The following GPHN variants were observed in gnomAD, a reference collection of about 807,000 sequenced individuals.
GPHN encodes the protein gephyrin.
In GPHN, 17 loss-of-function variants were observed where a neutral mutation model predicts 95.5. The ratio of observed to expected loss-of-function variants is 0.18; its 90% CI spans 0.12 to 0.27. The LOEUF is 0.27. Among genes scored for constraint, GPHN ranks in the 10% least tolerant of loss-of-function variants. The pLI is 1.00. For missense variants in GPHN, 660 were observed against 978.1 expected (o/e 0.67, Z 4.34); for synonymous variants, 320 against 322.5 (o/e 0.99, Z 0.08).
chr14:66,841,034 GGTATAGA>G (rs2062067075), intron 4 of GPHN, among the ~76,000 whole-genome samples: 2 of 125,888 alleles, frequency 1.6e-5, no homozygotes, highest in Non-Finnish European at 3.3e-5. Flanking sequence ...TATAGATATA[GGTATAGA>G]TATAGATATA....
intron 5 of GPHN, among the ~76,000 whole-genome samples, chr14:66,900,252 T>G (rs2065060825): frequency 6.6e-6 from 1 of 151,954 alleles, no homozygotes. Flanking sequence ...TTATCTGCTC[T>G]TTATTATTTC....
At chr14:67,074,293 A>G (rs2076416701) in intron 11 of GPHN, among the ~76,000 whole-genome samples, 1 of 151,492 alleles carries the variant, frequency 6.6e-6, no homozygotes. Flanking sequence ...TCTGTGTCAC[A>G]TTATGGTAAT....
At chr14:67,729,475 T>A in the GPHN span, 1 of 1,256,012 alleles carries the variant, frequency 8.0e-7, no homozygotes, top group African/African-American at 1.5e-5. Context: ...AGTTTGTGCC[T>A]GATGATGCAA....
chr14:66,526,592 T>A (rs971589779), intron 1 of GPHN, among the ~76,000 whole-genome samples: 3 of 152,212 alleles, frequency 2.0e-5, no homozygotes, highest in Admixed American at 6.5e-5. Context: ...TTTTGCCCAT[T>A]CAGTATGATG....
chr14:67,632,079 T>C, the GPHN span, among the ~76,000 whole-genome samples: 1 of 151,928 alleles, frequency 6.6e-6, no homozygotes, highest in Non-Finnish European at 1.5e-5. Flanking sequence ...AGAGATGAGG[T>C]CTCACTATGC....
chr14:67,338,349 TG>T, the GPHN span: 4 of 320,742 alleles, frequency 1.2e-5, no homozygotes, highest in Non-Finnish European at 2.3e-5. Context: ...GCAGATCACG[TG>T]TAACACAGAT....
At chr14:66,937,268 T>C (rs1457128650) in intron 8 of GPHN, among the ~76,000 whole-genome samples, 1 of 152,114 alleles carries the variant, frequency 6.6e-6, no homozygotes, top group Non-Finnish European at 1.5e-5. Flanking sequence ...CCTCCCAAAG[T>C]GTTAGCATTA....
intron 18 of GPHN, among the ~76,000 whole-genome samples, chr14:67,155,679 A>G (rs2081542254): frequency 6.6e-6 from 1 of 152,178 alleles, no homozygotes; most frequent in Non-Finnish European, 1.5e-5. Context: ...ATGAAGTCTA[A>G]GAAGGAGAGG....
chr14:67,693,109 G>A, the GPHN span: 2 of 1,209,012 alleles, frequency 1.7e-6, no homozygotes, highest in Non-Finnish European at 2.4e-6. Context: ...CAGCCAGTAG[G>A]TTCCTGCAAC....
chr14:67,620,252 G>C, the GPHN span, among the ~76,000 whole-genome samples: 1 of 151,854 alleles, frequency 6.6e-6, no homozygotes, highest in South Asian at 2.1e-4. Context: ...GGGAGCATGT[G>C]GGATATCCTC....
At chr14:67,658,190 T>G in the GPHN span, among the ~76,000 whole-genome samples, 14 of 150,768 alleles carry the variant, frequency 9.3e-5, no homozygotes, top group South Asian at 2.3e-4. Context: ...GATTTTCAAC[T>G]GAGTAGGCTA....
chr14:66,611,927 A>G (rs1006616205), intron 1 of GPHN, among the ~76,000 whole-genome samples: 1 of 152,144 alleles, frequency 6.6e-6, no homozygotes, highest in African/African-American at 2.4e-5. Context: ...AATATGTAGA[A>G]TAATTCCCCA....
chr14:67,168,952 G>T lies in GPHN; in HGVS notation c.1995G>T (p.Val665=), dbSNP rs1357103755. 1.9e-6 allele frequency: 3 copies of T among 1,610,774 alleles called. No individual in the cohort carries two copies. In the South Asian group the frequency reaches 3.3e-5, roughly 18 times the overall value. ...TTTCAGGGAATCCTGTATCGGCTGT[G>T]GTCACCTGCAATCTCTTTGTTGTGC... ...FALPGNPVSA[V]VTCNLFVVPA... The change falls in exon 21 of 23, where the codon GTG becomes GTT. Residue 665 remains valine (V), a synonymous_variant. Coordinates refer to ENST00000478722, the MANE Select transcript of GPHN (RefSeq NM_020806.5).
At chr14:67,569,961 T>C in the GPHN span, 2 of 1,610,358 alleles carry the variant, frequency 1.2e-6, no homozygotes, top group Non-Finnish European at 8.5e-7. Context: ...GGTCTTTCTC[T>C]GGCCTGGTCT....
At chr14:67,704,868 C>T in the GPHN span, among the ~76,000 whole-genome samples, 2 of 152,194 alleles carry the variant, frequency 1.3e-5, no homozygotes, top group Admixed American at 1.3e-4. Flanking sequence ...TCAACCAAGA[C>T]AGGAACTTCA....
the GPHN span, among the ~76,000 whole-genome samples, chr14:67,464,390 CTCCATCACCCTCTGTCCATCACA>C: frequency 7.2e-5 from 11 of 152,114 alleles, 1 homozygote; most frequent in African/African-American, 2.4e-4. Context: ...CTTAAAAGCA[CTCCATCACCCTCTGTCCATCACA>C]TCCATCACCC....
intron 5 of GPHN, among the ~76,000 whole-genome samples, chr14:66,901,057 G>C (rs2065106249): frequency 6.6e-6 from 1 of 151,908 alleles, no homozygotes; most frequent in African/African-American, 2.4e-5. Context: ...ATGTGTTACT[G>C]CCTGTCTTTT....
chr14:67,033,018 A>G (rs1297801841), intron 10 of GPHN, among the ~76,000 whole-genome samples: 1 of 152,214 alleles, frequency 6.6e-6, no homozygotes, highest in Non-Finnish European at 1.5e-5. Context: ...CAAATGGACA[A>G]CTAAACAAAA....
At chr14:66,662,352 C>T (rs2065711918) in intron 1 of GPHN, among the ~76,000 whole-genome samples, 1 of 152,092 alleles carries the variant, frequency 6.6e-6, no homozygotes, top group African/African-American at 2.4e-5. Context: ...GCAGCCTTCA[C>T]TGGTGATACC....
Sources: gnomAD v4.1 joint callset for allele counts (sites outside exome capture counted in the v4.1 genomes callset) on GRCh38, gnomAD v4.1.1 for gene constraint, MANE v1.5 for transcripts, NCBI Gene and HGNC (gene_info 2026-07-23, HGNC 2026-07-21) for gene names.